The following SLC13A4 variants were observed in gnomAD, a reference collection of about 807,000 sequenced individuals.
The protein encoded by SLC13A4 is Na(+)/sulfate cotransporter SUT-1.
A neutral mutation model predicts 72.7 loss-of-function variants in SLC13A4; 28 were observed. The ratio of observed to expected loss-of-function variants is 0.39; its 90% CI spans 0.29 to 0.53. The LOEUF is 0.53. Ranked by LOEUF, SLC13A4 falls within the 20% of genes least tolerant of loss-of-function variation. SLC13A4 has a pLI of 0.78. For missense variants in SLC13A4, 653 were observed against 788.0 expected, an observed-to-expected ratio of 0.83 and a Z score of 2.05; for synonymous variants, 312 against 325.5, an observed-to-expected ratio of 0.96 and a Z score of 0.45.
intron 7 of SLC13A4, 115 bp downstream of exon 7, chr7:135,701,565 T>A (rs955965116): frequency 1.0e-6 from 1 of 997,422 alleles, no homozygotes; most frequent in Non-Finnish European, 1.5e-6. Flanking sequence ...GAGTAATGAG[T>A]GCCTGGTGAC....
chr7:135,716,308 TA>T lies in SLC13A4; in HGVS notation c.228+5086del, dbSNP rs1230813214. ...CACATCATTTATTAATTTTTAAAATTAAAAAAAATTTTTTTAGATGGAGCCT... is the reference window on the plus strand; with the variant it reads ...CACATCATTTATTAATTTTTAAAATTAAAAAAATTTTTTTAGATGGAGCCT... On this transcript the variant is annotated intron_variant, in intron 2 of 15. Transcript: ENST00000682651. 5.3e-5 allele frequency among the ~76,000 whole-genome samples: 8 copies of T among 152,106 alleles called. No homozygotes were observed. The South Asian group carries it at 8.3e-4, about 16-fold the overall frequency.
intron 13 of SLC13A4, among the ~76,000 whole-genome samples, chr7:135,686,202 G>T (rs564214146): frequency 6.6e-6 from 1 of 152,316 alleles, no homozygotes; most frequent in South Asian, 2.1e-4. Context: ...GAACAGGCAG[G>T]GCTGAGCACT....
At chr7:135,707,225 CAG>C (rs1796184841) in intron 3 of SLC13A4, among the ~76,000 whole-genome samples, 1 of 152,218 alleles carries the variant, frequency 6.6e-6, no homozygotes, top group African/African-American at 2.4e-5. Context: ...AGATAGTACA[CAG>C]AGATTTTAAA....
intron 9 of SLC13A4, among the ~76,000 whole-genome samples, chr7:135,694,740 G>T (rs1271658818): frequency 1.3e-5 from 2 of 152,220 alleles, no homozygotes; most frequent in Non-Finnish European, 2.9e-5. Context: ...CAATACTGGA[G>T]TTAAGAAGTA....
intron 2 of SLC13A4, among the ~76,000 whole-genome samples, chr7:135,710,523 C>CAGA (rs1354214377): frequency 6.8e-6 from 1 of 146,932 alleles, no homozygotes; most frequent in Non-Finnish European, 1.5e-5. Context: ...AGCTTAATGA[C>CAGA]AGAAGAAGCT....
chr7:135,722,806 C>T (rs1300421182), intron 1 of SLC13A4, among the ~76,000 whole-genome samples: 1 of 152,038 alleles, frequency 6.6e-6, no homozygotes, highest in Non-Finnish European at 1.5e-5. Flanking sequence ...CTCCCAAAGG[C>T]CCCTGTAAGA....
Position 135,727,626 on chromosome 7 carries a change from T to C in SLC13A4, c.-130A>G. On this transcript the variant is annotated 5_prime_UTR_variant, in exon 1 of 16. Coordinates refer to ENST00000682651, the MANE Select transcript of SLC13A4 (RefSeq NM_001318192.2). ...TGGCTTCCGAGAGTCCTCCTTCGTC[T>C]TGGGGGCAGAACGGGAGGGCAGTTA... 8.2e-7 allele frequency: 1 copy of C among 1,219,072 alleles called. No individual in the cohort carries two copies. The highest frequency in any genetic ancestry group is 2.6e-5 in the East Asian group (1 of 38,054). The allele number at this position is 1,219,072 out of a possible 1,614,324, so 75.5% of individuals were successfully genotyped here.
chr7:135,727,540 C>G lies in SLC13A4; in HGVS notation c.-44G>C. On this transcript the variant is annotated 5_prime_UTR_variant, in exon 1 of 16. Transcript: ENST00000682651. ...AGCTCGTCCTTGGACCCCGCTCTGC[C>G]GGCGAAAGGCTTCCTGCCTGGGCAC... 6.6e-7 allele frequency: 1 copy of G among 1,523,792 alleles called. No homozygotes were observed. Among genetic ancestry groups the G allele is most frequent in the Non-Finnish European group, 8.9e-7 (1 of 1,129,348 alleles). The allele number at this position is 1,523,792 out of a possible 1,614,324, so 94.4% of individuals were successfully genotyped here. A position where few individuals can be genotyped will look rare whatever the true frequency, so the allele number is the denominator to read the frequency against.
At position 135,691,701 on chromosome 7, in the gene SLC13A4, A is replaced by T. The variant is rs113766389; in HGVS notation, c.1224-56T>A. On this transcript the variant is annotated intron_variant, in intron 11 of 15. Transcript: ENST00000682651. Reference sequence around the variant, plus strand: ...AGGGTCAGGAATTTTCAGGAGTAACATGATGTCTCGGAGCAGTCTGTCCGA... The same window carrying T: ...AGGGTCAGGAATTTTCAGGAGTAACTTGATGTCTCGGAGCAGTCTGTCCGA... 974 of 1,249,296 alleles carry T rather than the reference A, an allele frequency of 7.8e-4. 6 individuals are homozygous for T. In the African/African-American group the frequency reaches 0.013, roughly 16 times the overall value. The allele number at this position is 1,249,296 out of a possible 1,614,324, so 77.4% of individuals were successfully genotyped here. A position where few individuals can be genotyped will look rare whatever the true frequency, so the allele number is the denominator to read the frequency against.
At chr7:135,682,274 G>A (rs936693277) in intron 15 of SLC13A4, among the ~76,000 whole-genome samples, 5 of 152,206 alleles carry the variant, frequency 3.3e-5, no homozygotes, top group Non-Finnish European at 5.9e-5. Context: ...TCTTTCCTCT[G>A]AGGGAATTAC....
At chr7:135,694,926 G>A (rs774094556) in intron 9 of SLC13A4, among the ~76,000 whole-genome samples, 3 of 152,174 alleles carry the variant, frequency 2.0e-5, no homozygotes, top group Non-Finnish European at 4.4e-5. Flanking sequence ...TGAGGCATAT[G>A]AGCATATTTT....
rs1261141912 is a variant in SLC13A4 at position 135,727,493 on chromosome 7, C to T, written c.4G>A (p.Gly2Ser). The T allele has an allele frequency of 1.9e-6, 3 of 1,550,324 alleles. No homozygotes were observed. The highest frequency in any genetic ancestry group is 4.9e-5 in the East Asian group (2 of 40,896). The change falls in exon 1 of 16, where the codon GGC becomes AGC. Residue 2 changes from glycine (G) to serine (S), a missense_variant. Transcript: ENST00000682651. ...ACTCGGAGCAGGCCCTGCAGCAGGC[C>T]CATCGCGCCTCTGTCCTCTCCAGCT... MGLLQGLLRVRK... is the reference protein window; with the variant it reads MSLLQGLLRVRK...
intron 3 of SLC13A4, chr7:135,707,871 C>A: frequency 2.3e-6 from 1 of 433,834 alleles, no homozygotes; most frequent in South Asian, 5.3e-5. Context: ...AAGCTGCTGC[C>A]CTTGCAGCCT....
intron 8 of SLC13A4, among the ~76,000 whole-genome samples, 175 bp from the exon 9 acceptor site, chr7:135,695,662 G>C (rs1011756678): frequency 1.3e-5 from 2 of 152,168 alleles, no homozygotes; most frequent in African/African-American, 4.8e-5. Context: ...CAATTGTACA[G>C]AGCCCAGACA....
chr7:135,682,827 C>T (rs1795533961), intron 15 of SLC13A4, among the ~76,000 whole-genome samples: 2 of 152,102 alleles, frequency 1.3e-5, no homozygotes, highest in Non-Finnish European at 2.9e-5. Context: ...GTGTAGAAAG[C>T]TAGGGGTCAG....
intron 2 of SLC13A4, among the ~76,000 whole-genome samples, chr7:135,713,608 C>T (rs768987910): frequency 6.6e-6 from 1 of 152,044 alleles, no homozygotes; most frequent in East Asian, 1.9e-4. Context: ...GACAGAGTCT[C>T]ACTCTGTTGC....
chr7:135,701,652 A>T (rs1796038040), intron 7 of SLC13A4, 28 bp downstream of exon 7: 1 of 1,608,518 alleles, frequency 6.2e-7, no homozygotes, highest in African/African-American at 1.3e-5. Context: ...CATGTAGGAA[A>T]CAGAGCTAGA....
intron 8 of SLC13A4, among the ~76,000 whole-genome samples, chr7:135,697,327 CA>C (rs987661445): frequency 6.6e-5 from 10 of 152,216 alleles, no homozygotes; most frequent in Admixed American, 6.5e-5. Flanking sequence ...CTTTTTCCAA[CA>C]CCCCATACTT....
At chr7:135,685,983 G>A (rs1795613555) in intron 13 of SLC13A4, among the ~76,000 whole-genome samples, 1 of 152,234 alleles carries the variant, frequency 6.6e-6, no homozygotes, top group South Asian at 2.1e-4. Context: ...GTCAGAGGTT[G>A]GAGATCTTTG....
Sources: allele counts gnomAD v4.1 joint callset (sites outside exome capture counted in the v4.1 genomes callset), GRCh38; gene constraint gnomAD v4.1.1; transcripts MANE v1.5; gene names NCBI Gene and HGNC (gene_info 2026-07-23, HGNC 2026-07-21).